UBE2H: variants seen among roughly 807,000 people sequenced by gnomAD.
The protein encoded by UBE2H is ubiquitin-conjugating enzyme E2 H.
In UBE2H, 3 loss-of-function variants were observed where a neutral mutation model predicts 29.0. The ratio of observed to expected loss-of-function variants is 0.10; its 90% confidence interval spans 0.05 to 0.27. The LOEUF (loss-of-function observed/expected upper bound fraction) is 0.27, where lower values mean the gene tolerates loss of function less well. Among genes scored for constraint, UBE2H ranks in the 10% least tolerant of loss-of-function variants. The pLI is 1.00. For synonymous variants in UBE2H, 69 were observed against 82.9 expected (o/e 0.83, Z 0.91); for missense variants, 68 against 228.2 (o/e 0.30, Z 4.52).
intron 1 of UBE2H, among the ~76,000 whole-genome samples, chr7:129,952,032 T>C (rs1014037940): frequency 3.3e-5 from 5 of 152,098 alleles, no homozygotes; most frequent in Admixed American, 3.3e-4. Context: ...GTCGCTTGAG[T>C]GACCCCAGTT....
Position 129,849,809 on chromosome 7 carries a change from C to T in UBE2H, c.298+7702G>A, listed in dbSNP as rs548212130. On this transcript the variant is annotated intron_variant, in intron 5 of 6. Coordinates refer to ENST00000355621, the MANE Select transcript of UBE2H (RefSeq NM_003344.4). ...AGATAATATAACCCGCCACCAAATA[C>T]TAAAAGGTATATTAAAGAATTCATA... Among the ~76,000 whole-genome samples, 9 of 152,138 alleles carry T rather than the reference C, an allele frequency of 5.9e-5. No individual in the cohort carries two copies. The South Asian group carries it at 1.2e-3, about 21-fold the overall frequency.
chr7:129,885,903 C>T (rs1026652156), intron 1 of UBE2H, among the ~76,000 whole-genome samples: 19 of 152,196 alleles, frequency 1.2e-4, no homozygotes, highest in African/African-American at 4.1e-4. Context: ...GCTGTTACCA[C>T]GTGTATTTAT....
intron 1 of UBE2H, among the ~76,000 whole-genome samples, chr7:129,914,951 G>A (rs547716066): frequency 3.3e-5 from 5 of 152,234 alleles, no homozygotes; most frequent in South Asian, 4.1e-4. Flanking sequence ...CACAATGTCC[G>A]GCCCAGGATG....
At chr7:129,843,441 T>C (rs1395095803) in intron 5 of UBE2H, among the ~76,000 whole-genome samples, 1 of 152,156 alleles carries the variant, frequency 6.6e-6, no homozygotes, top group African/African-American at 2.4e-5. Flanking sequence ...GATGGAGAAA[T>C]TGAGGCACAC....
intron 3 of UBE2H, among the ~76,000 whole-genome samples, chr7:129,871,066 A>G (rs1291129563): frequency 6.6e-6 from 1 of 152,222 alleles, no homozygotes; most frequent in Non-Finnish European, 1.5e-5. Context: ...TATTCTATCC[A>G]TTAATTCTCT....
At chr7:129,909,474 G>A (rs1743476521) in intron 1 of UBE2H, among the ~76,000 whole-genome samples, 2 of 152,152 alleles carry the variant, frequency 1.3e-5, no homozygotes, top group African/African-American at 4.8e-5. Context: ...TTTGCTCACT[G>A]AGCATTCTTT....
intron 5 of UBE2H, among the ~76,000 whole-genome samples, chr7:129,852,040 T>C (rs1352937090): frequency 6.6e-6 from 1 of 152,208 alleles, no homozygotes; most frequent in Non-Finnish European, 1.5e-5. Context: ...AAAGGCAGGA[T>C]GACGTTTGTG....
intron 1 of UBE2H, among the ~76,000 whole-genome samples, chr7:129,898,543 A>C (rs1356008449): frequency 3.3e-5 from 5 of 152,228 alleles, no homozygotes. Context: ...CAAGCTATTT[A>C]GCAAAACAAC....
At chr7:129,890,230 C>T (rs917597142) in intron 1 of UBE2H, among the ~76,000 whole-genome samples, 3 of 151,502 alleles carry the variant, frequency 2.0e-5, no homozygotes, top group African/African-American at 7.3e-5. Context: ...AGTGATACCA[C>T]ATATATATAT....
intron 1 of UBE2H, among the ~76,000 whole-genome samples, chr7:129,936,772 T>C (rs1807537542): frequency 7.4e-6 from 1 of 135,076 alleles, no homozygotes. Context: ...GCCTAGAGCC[T>C]GGCCAACATG....
chr7:129,871,144 G>A (rs1806021745), intron 3 of UBE2H, among the ~76,000 whole-genome samples: 1 of 152,130 alleles, frequency 6.6e-6, no homozygotes, highest in Admixed American at 6.5e-5. Context: ...AAAGTATTAA[G>A]AGAGCAATTT....
chr7:129,903,002 G>A (rs1470779568), intron 1 of UBE2H, among the ~76,000 whole-genome samples: 3 of 152,182 alleles, frequency 2.0e-5, no homozygotes, highest in Non-Finnish European at 1.5e-5. Flanking sequence ...GACTGCTATT[G>A]AGTCGTAGAG....
chr7:129,877,133 T>C (rs1446890936), intron 3 of UBE2H, among the ~76,000 whole-genome samples: 2 of 152,144 alleles, frequency 1.3e-5, no homozygotes, highest in Admixed American at 6.5e-5. Flanking sequence ...ACAATTAAAA[T>C]ACACATCCAT....
In UBE2H at chr7:129,879,614, A is replaced by C. The variant is rs906702462; in HGVS notation, c.159T>G (p.Val53=). 1 of 1,613,124 alleles carries C rather than the reference A, an allele frequency of 6.2e-7. No individual in the cohort carries two copies. Among genetic ancestry groups the C allele is most frequent in the African/African-American group, 1.3e-5 (1 of 74,908 alleles). ...GTPYEGGVWK[V]RVDLPDKYPF... is the part of the protein sequence containing the mutation. ...GGTATTTATCAGGTAGGTCCACTCT[A>C]ACTTTCCATACTCCGCCTTCATATG... Residue 53 remains valine, a synonymous_variant, in exon 3 of 7, where the codon GTT becomes GTG. Transcript: ENST00000355621.
rs572327588 is a variant in UBE2H at position 129,841,970 on chromosome 7, A to C, written c.299-2635T>G. 4.6e-5 allele frequency among the ~76,000 whole-genome samples: 7 copies of C among 152,354 alleles called. No individual in the cohort carries two copies. In the East Asian group the frequency reaches 1.2e-3, roughly 25 times the overall value. ...CATTGAAAACTATTTGTTTTCAATG[A>C]AAAAAATGCTTATACTTGAATGCTG... On this transcript the variant is annotated intron_variant, in intron 5 of 6. Coordinates refer to ENST00000355621, the MANE Select transcript of UBE2H (RefSeq NM_003344.4).
intron 1 of UBE2H, among the ~76,000 whole-genome samples, chr7:129,919,437 GGCTCTCCTCT>G (rs140434062): frequency 0.029 from 4,429 of 152,182 alleles, 114 homozygotes; most frequent in Non-Finnish European, 0.045. Flanking sequence ...CATATCTGCA[GGCTCTCCTCT>G]GCTTATTCCT....
chr7:129,950,269 A>G (rs1807847478), intron 1 of UBE2H, among the ~76,000 whole-genome samples: 1 of 152,112 alleles, frequency 6.6e-6, no homozygotes, highest in Non-Finnish European at 1.5e-5. Flanking sequence ...CAGATCTACA[A>G]TTTTAAAGCG....
intron 1 of UBE2H, among the ~76,000 whole-genome samples, chr7:129,893,071 C>T (rs951017408): frequency 6.6e-6 from 1 of 152,112 alleles, no homozygotes; most frequent in Non-Finnish European, 1.5e-5. Context: ...TATTTAAAGA[C>T]CCATTATCTT....
chr7:129,914,062 A>G (rs1033563888), intron 1 of UBE2H, among the ~76,000 whole-genome samples: 3 of 152,148 alleles, frequency 2.0e-5, no homozygotes, highest in African/African-American at 7.2e-5. Flanking sequence ...GGTAACATGT[A>G]TTGACTGTAC....
Sources: gnomAD v4.1 joint callset for allele counts (sites outside exome capture counted in the v4.1 genomes callset) on GRCh38, gnomAD v4.1.1 for gene constraint, MANE v1.5 for transcripts, NCBI Gene and HGNC (gene_info 2026-07-23, HGNC 2026-07-21) for gene names.